CCDC149: variants seen among roughly 807,000 people sequenced by gnomAD.
The protein encoded by CCDC149 is coiled-coil domain containing 149, also known as coiled-coil domain-containing protein 149.
CCDC149 carries 45 observed loss-of-function variants against 59.9 expected under a neutral mutation model. That is an observed-to-expected ratio of 0.75 (90% CI 0.59 to 0.96). The LOEUF (loss-of-function observed/expected upper bound fraction) is 0.96, where lower values mean the gene tolerates loss of function less well. CCDC149 is among the 40% of genes least tolerant of loss of function. The pLI, the probability that CCDC149 is intolerant of heterozygous loss-of-function variation, is 0.00. For synonymous variants in CCDC149, 245 were observed against 260.6 expected (o/e 0.94, Z 0.58); for missense variants, 584 against 664.7 (o/e 0.88, Z 1.33).
At chr4:24,854,338 C>T (rs1029539797) in intron 3 of CCDC149, among the ~76,000 whole-genome samples, 5 of 152,216 alleles carry the variant, frequency 3.3e-5, no homozygotes, top group African/African-American at 1.2e-4. Context: ...AGAGACTCTG[C>T]TTTCTGCTTC....
chr4:24,896,278 G>C (rs1720840723), intron 1 of CCDC149, among the ~76,000 whole-genome samples: 1 of 152,174 alleles, frequency 6.6e-6, no homozygotes. Flanking sequence ...AAGGAAATGG[G>C]GGGTAAGGTG....
chr4:24,850,171 CTCT>C (rs1338017333), intron 4 of CCDC149, among the ~76,000 whole-genome samples: 1 of 152,030 alleles, frequency 6.6e-6, no homozygotes, highest in Non-Finnish European at 1.5e-5. Flanking sequence ...AATCATTTTG[CTCT>C]TCTTTTTGTT....
chr4:24,863,704 C>T (rs1315706616), intron 3 of CCDC149, among the ~76,000 whole-genome samples: 1 of 152,228 alleles, frequency 6.6e-6, no homozygotes, highest in Non-Finnish European at 1.5e-5. Context: ...TCTGGACAGG[C>T]CCAGCCTAGT....
At chr4:24,950,131 A>G (rs776367694) in intron 1 of CCDC149, among the ~76,000 whole-genome samples, 8 of 152,202 alleles carry the variant, frequency 5.3e-5, no homozygotes, top group Non-Finnish European at 1.0e-4. Context: ...GACAGCCTTG[A>G]CATTCCTCAG....
intron 1 of CCDC149, among the ~76,000 whole-genome samples, chr4:24,923,142 G>C (rs1461973641): frequency 6.6e-6 from 1 of 152,160 alleles, no homozygotes; most frequent in East Asian, 1.9e-4. Flanking sequence ...GGTGGGGTGA[G>C]CTCAGCTGAT....
chr4:24,853,941 C>T (rs1001491869), intron 3 of CCDC149, among the ~76,000 whole-genome samples: 26 of 152,188 alleles, frequency 1.7e-4, no homozygotes. Flanking sequence ...CCAGGATAAT[C>T]GCCCTTCATT....
intron 2 of CCDC149, among the ~76,000 whole-genome samples, chr4:24,875,826 A>T (rs1719380709): frequency 6.6e-6 from 1 of 152,146 alleles, no homozygotes; most frequent in African/African-American, 2.4e-5. Flanking sequence ...TAGACTTATG[A>T]ATCCTCTTTT....
chr4:24,931,433 T>G (rs114143721), intron 1 of CCDC149, among the ~76,000 whole-genome samples: 1,845 of 151,472 alleles, frequency 0.012, 37 homozygotes, highest in African/African-American at 0.042. Context: ...ACATATCCAT[T>G]GTGAGGTGTG....
At chr4:24,935,213 A>AT (rs1722703853) in intron 1 of CCDC149, among the ~76,000 whole-genome samples, 2 of 152,210 alleles carry the variant, frequency 1.3e-5, no homozygotes, top group African/African-American at 4.8e-5. Context: ...GATAGATTGG[A>AT]TGTAGAAGTG....
intron 12 of CCDC149, among the ~76,000 whole-genome samples, chr4:24,817,924 G>T (rs1165349369): frequency 6.6e-6 from 1 of 152,164 alleles, no homozygotes; most frequent in Non-Finnish European, 1.5e-5. Flanking sequence ...AGGCTGCAGA[G>T]TTGAGATGTT....
chr4:24,961,581 A>G (rs1219147208), intron 1 of CCDC149, among the ~76,000 whole-genome samples: 5 of 152,216 alleles, frequency 3.3e-5, no homozygotes, highest in Admixed American at 1.3e-4. Context: ...TACAGTAACC[A>G]AAACAACATG....
intron 4 of CCDC149, among the ~76,000 whole-genome samples, chr4:24,847,507 T>C (rs2109168868): frequency 6.6e-6 from 1 of 152,348 alleles, no homozygotes; most frequent in East Asian, 1.9e-4. Flanking sequence ...CCTGTCTTTC[T>C]TATCCTTTGA....
chr4:24,879,511 T>C (rs1300879777), intron 1 of CCDC149, among the ~76,000 whole-genome samples: 2 of 138,678 alleles, frequency 1.4e-5, no homozygotes, highest in African/African-American at 5.6e-5. Flanking sequence ...AGCGAAACTC[T>C]TGTCTCAAAA....
At chr4:24,856,149 G>A (rs1267586686) in intron 3 of CCDC149, among the ~76,000 whole-genome samples, 1 of 57,554 alleles carries the variant, frequency 1.7e-5, no homozygotes, top group Non-Finnish European at 3.7e-5. Context: ...CTGTGTAAAT[G>A]CAGCGAAGGC....
At chr4:24,975,485 G>A (rs1179335538) in intron 1 of CCDC149, among the ~76,000 whole-genome samples, 4 of 143,952 alleles carry the variant, frequency 2.8e-5, no homozygotes, top group Non-Finnish European at 4.6e-5. Flanking sequence ...AGAAAGCGGG[G>A]AGGAGAGGGG....
At chr4:24,971,380 T>G (rs911736560) in intron 1 of CCDC149, among the ~76,000 whole-genome samples, 5 of 152,180 alleles carry the variant, frequency 3.3e-5, no homozygotes, top group African/African-American at 4.8e-5. Context: ...TGACTGCACT[T>G]TAGTCAGGAG....
chr4:24,829,242 A>T (rs1205056358), intron 9 of CCDC149: 1 of 152,384 alleles, frequency 6.6e-6, no homozygotes, highest in Non-Finnish European at 1.5e-5. Flanking sequence ...TGACTGATGG[A>T]ATTTGAGGAG....
chr4:24,978,506 G>A (rs981615038), intron 1 of CCDC149, among the ~76,000 whole-genome samples: 4 of 152,270 alleles, frequency 2.6e-5, no homozygotes, highest in African/African-American at 7.2e-5. Flanking sequence ...AAATTGTGAG[G>A]GATGGTTCGT....
rs149098530 is a variant in CCDC149, at chr4:24,847,087, G to A, written c.372+5985C>T. ...GCGAAGTCGAGGCTGGTGATCAGGA[G>A]GGCTGACTTTTGGGGATCCATCTGC... On this transcript the variant is annotated intron_variant, in intron 4 of 12. Transcript: ENST00000635206. Among the ~76,000 whole-genome samples, 250 of 152,294 alleles carry A rather than the reference G, an allele frequency of 1.6e-3. 1 individual carries two copies. The highest frequency in any genetic ancestry group is 5.6e-3 in the African/African-American group (232 of 41,570).
Sources: allele counts gnomAD v4.1 joint callset (sites outside exome capture counted in the v4.1 genomes callset), GRCh38; gene constraint gnomAD v4.1.1; transcripts MANE v1.5; gene names NCBI Gene and HGNC (gene_info 2026-07-23, HGNC 2026-07-21).